RALY: variants seen among roughly 807,000 people sequenced by gnomAD.
RALY encodes the protein RNA-binding protein Raly.
In RALY, 15 loss-of-function variants were observed where a neutral mutation model predicts 30.7. The observed-to-expected ratio is 0.49, with a 90% CI of 0.33 to 0.75. The LOEUF (loss-of-function observed/expected upper bound fraction) is 0.75, where lower values mean the gene tolerates loss of function less well. RALY is among the 30% of genes least tolerant of loss of function. The probability of loss-of-function intolerance (pLI) is 0.02; values close to 1 mark genes in which losing one functional copy is unlikely to be tolerated. For missense variants in RALY, 339 were observed against 414.3 expected (o/e 0.82, Z 1.58); for synonymous variants, 177 against 170.8 (o/e 1.04, Z -0.28).
intron 1 of RALY, among the ~76,000 whole-genome samples, chr20:34,005,137 G>C (rs2031100138): frequency 6.6e-6 from 1 of 152,132 alleles, no homozygotes; most frequent in African/African-American, 2.4e-5. Flanking sequence ...AGATAGACAG[G>C]GTGCTAGAGA....
intron 1 of RALY, among the ~76,000 whole-genome samples, chr20:34,007,151 C>T (rs966486152): frequency 1.3e-5 from 2 of 152,142 alleles, no homozygotes; most frequent in African/African-American, 2.4e-5. Flanking sequence ...AAGGCCCCGC[C>T]TGGATTTGAA....
intron 1 of RALY, among the ~76,000 whole-genome samples, chr20:33,999,169 T>C (rs2030791592): frequency 6.7e-6 from 1 of 149,940 alleles, no homozygotes; most frequent in African/African-American, 2.5e-5. Context: ...AATTGAGTGA[T>C]GAGACAAAGA....
intron 1 of RALY, among the ~76,000 whole-genome samples, chr20:34,006,837 G>A (rs1033958953): frequency 1.6e-4 from 24 of 152,284 alleles, no homozygotes; most frequent in African/African-American, 5.3e-4. Context: ...GCACAGGGAT[G>A]AAATCGCCTA....
rs770144805 is a variant in RALY at position 34,077,201 on chromosome 20, G to A, written c.832G>A (p.Asp278Asn). The A allele has an allele frequency of 2.0e-5, 32 of 1,613,742 alleles. No homozygotes were observed. Among genetic ancestry groups the A allele is most frequent in the Admixed American group, 3.3e-5 (2 of 59,988 alleles). ...LPQGEARTRD[D>N]GDEEGLLTHS... ...CCAGGGGGAAGCACGGACCCGAGAC[G>A]ACGGCGATGAGGAAGGGCTCCTGAC... The change falls in exon 8 of 10, where the codon GAC (aspartate) becomes AAC (asparagine). Residue 278 changes from aspartate to asparagine, a missense_variant. By Grantham distance (23) the Asp-to-Asn change is conservative (BLOSUM62 1). Transcript: ENST00000246194.
chr20:34,030,729 T>G (rs980270856), intron 1 of RALY, among the ~76,000 whole-genome samples: 3 of 152,202 alleles, frequency 2.0e-5, no homozygotes, highest in African/African-American at 7.2e-5. Context: ...AATTCCTTCT[T>G]GTGTCTCTTG....
intron 6 of RALY, chr20:34,076,242 G>A (rs1194540497): frequency 2.9e-6 from 2 of 684,434 alleles, no homozygotes; most frequent in Admixed American, 5.9e-5. Flanking sequence ...GGCACAGAGA[G>A]TCCAGTGCTG....
chr20:34,047,177 C>T (rs1202081842), intron 2 of RALY, among the ~76,000 whole-genome samples: 1 of 152,142 alleles, frequency 6.6e-6, no homozygotes, highest in Non-Finnish European at 1.5e-5. Context: ...ACACTAGTTA[C>T]ATTTGGAAAC....
intron 2 of RALY, among the ~76,000 whole-genome samples, chr20:34,035,148 ATC>A (rs2032433819): frequency 9.6e-6 from 1 of 103,686 alleles, no homozygotes; most frequent in Non-Finnish European, 1.9e-5. Context: ...GCGAGACTCC[ATC>A]TCAAAAAAAA....
intron 2 of RALY, among the ~76,000 whole-genome samples, chr20:34,036,224 T>G (rs1254766275): frequency 2.0e-5 from 3 of 152,332 alleles, no homozygotes; most frequent in African/African-American, 7.2e-5. Flanking sequence ...GCAGACAGCC[T>G]TCCTTACTTT....
intron 1 of RALY, among the ~76,000 whole-genome samples, chr20:34,023,295 G>A (rs1264618046): frequency 6.6e-6 from 1 of 152,198 alleles, no homozygotes; most frequent in Non-Finnish European, 1.5e-5. Context: ...TGTGGATACA[G>A]GAAAACAACT....
intron 1 of RALY, among the ~76,000 whole-genome samples, chr20:34,006,433 A>G (rs2122994667): frequency 6.6e-6 from 1 of 152,310 alleles, no homozygotes; most frequent in Non-Finnish European, 1.5e-5. Context: ...TCGTGTTCAA[A>G]TGTTCGATTG....
intron 2 of RALY, among the ~76,000 whole-genome samples, chr20:34,069,727 C>T (rs960823063): frequency 9.9e-5 from 15 of 152,194 alleles, no homozygotes; most frequent in Non-Finnish European, 2.1e-4. Context: ...TTTCCTGCCT[C>T]GTATGCACAG....
chr20:34,047,276 G>A lies in RALY; in HGVS notation c.-10+15672G>A, dbSNP rs138947487. Reference sequence around the variant, plus strand: ...GGGCTGGCCCTGTGTGACTTAGAGCGGACAGTATGGGAGGTGGAGAACTGG... The same window carrying A: ...GGGCTGGCCCTGTGTGACTTAGAGCAGACAGTATGGGAGGTGGAGAACTGG... On this transcript the variant is annotated intron_variant, in intron 2 of 9. Transcript: ENST00000246194. Among the ~76,000 whole-genome samples, 6 of 152,278 alleles carry A rather than the reference G, an allele frequency of 3.9e-5. No individual in the cohort carries two copies. The East Asian group carries it at 7.7e-4, about 20-fold the overall frequency.
At chr20:34,046,192 T>TA (rs2032873964) in intron 2 of RALY, among the ~76,000 whole-genome samples, 1 of 152,238 alleles carries the variant, frequency 6.6e-6, no homozygotes, top group Non-Finnish European at 1.5e-5. Flanking sequence ...AGCCTGCTCT[T>TA]AACCACAGGT....
intron 1 of RALY, among the ~76,000 whole-genome samples, chr20:34,019,144 G>GA (rs2031720851): frequency 1.3e-5 from 2 of 152,200 alleles, no homozygotes; most frequent in South Asian, 4.2e-4. Context: ...CCAAGTTGGT[G>GA]AAACCCTGTC....
rs1422697235 is a variant in RALY at position 34,001,923 on chromosome 20, C to T, written c.-93+7792C>T. Among the ~76,000 whole-genome samples, 5 of 152,228 alleles carry T rather than the reference C, an allele frequency of 3.3e-5. No homozygotes were observed. The East Asian group carries it at 7.7e-4, about 24-fold the overall frequency. ...CTGGGACTGCAGGTGCCCACCACCA[C>T]GCCCGGCTAATTTTTTTGTATTTTT... On this transcript the variant is annotated intron_variant, in intron 1 of 9. Transcript: ENST00000246194.
At chr20:34,068,835 A>C (rs1383138983) in intron 2 of RALY, among the ~76,000 whole-genome samples, 1 of 152,050 alleles carries the variant, frequency 6.6e-6, no homozygotes, top group Non-Finnish European at 1.5e-5. Flanking sequence ...GTGTGTGGTC[A>C]CTCAAGCCTT....
intron 2 of RALY, among the ~76,000 whole-genome samples, chr20:34,034,727 GCATTTGGTTTCTAAAACCC>G (rs2032414042): frequency 6.6e-6 from 1 of 152,100 alleles, no homozygotes; most frequent in East Asian, 1.9e-4. Context: ...AACAAGTTTA[GCATTTGGTTTCTAAAACCC>G]CATAAGATTA....
At chr20:34,034,075 C>G (rs1286728403) in intron 2 of RALY, among the ~76,000 whole-genome samples, 1 of 152,166 alleles carries the variant, frequency 6.6e-6, no homozygotes, top group Non-Finnish European at 1.5e-5. Context: ...CAACAGGAGT[C>G]AGCACTCCAC....
Sources: gnomAD v4.1 joint callset for allele counts (sites outside exome capture counted in the v4.1 genomes callset) on GRCh38, gnomAD v4.1.1 for gene constraint, MANE v1.5 for transcripts, NCBI Gene and HGNC (gene_info 2026-07-23, HGNC 2026-07-21) for gene names.